Variants in LRRTM4 observed in about 807,000 individuals in gnomAD.
LRRTM4 encodes leucine rich repeat transmembrane neuronal 4.
In LRRTM4, 25 loss-of-function variants were observed where a neutral mutation model predicts 47.6. The ratio of observed to expected loss-of-function variants is 0.53; its 90% CI spans 0.38 to 0.73. LRRTM4 has a LOEUF of 0.73. LRRTM4 is among the 30% of genes least tolerant of loss of function. LRRTM4 has a pLI of 0.00. For missense variants in LRRTM4, 638 were observed against 713.4 expected (o/e 0.89, Z 1.20); for synonymous variants, 311 against 269.5 (o/e 1.15, Z -1.51).
intron 3 of LRRTM4, among the ~76,000 whole-genome samples, chr2:77,470,560 T>TAC (rs1030932904): frequency 1.3e-5 from 2 of 152,122 alleles, no homozygotes; most frequent in Non-Finnish European, 2.9e-5. Context: ...CAAGGAATGT[T>TAC]ACATCAGGTG....
intron 3 of LRRTM4, among the ~76,000 whole-genome samples, chr2:76,983,180 G>A (rs527401487): frequency 7.2e-5 from 11 of 151,950 alleles, no homozygotes; most frequent in Non-Finnish European, 1.0e-4. Flanking sequence ...GTTCAGTAAC[G>A]TTATAATAAA....
intron 3 of LRRTM4, among the ~76,000 whole-genome samples, chr2:77,261,890 A>G (rs1469019435): frequency 2.0e-5 from 3 of 152,130 alleles, no homozygotes; most frequent in Non-Finnish European, 4.4e-5. Context: ...GGACTGGTAC[A>G]TGGCCTGTAA....
chr2:77,133,897 T>C (rs1671866042), intron 3 of LRRTM4, among the ~76,000 whole-genome samples: 1 of 152,174 alleles, frequency 6.6e-6, no homozygotes. Flanking sequence ...TCCATATGCA[T>C]ACTGGAGAAA....
At chr2:77,415,817 T>C (rs908534640) in intron 3 of LRRTM4, among the ~76,000 whole-genome samples, 2 of 152,144 alleles carry the variant, frequency 1.3e-5, no homozygotes, top group Non-Finnish European at 2.9e-5. Context: ...GTAGGTTTTG[T>C]ATCATAGACC....
At chr2:77,346,836 G>A (rs941615398) in intron 3 of LRRTM4, among the ~76,000 whole-genome samples, 3 of 151,586 alleles carry the variant, frequency 2.0e-5, no homozygotes, top group Non-Finnish European at 2.9e-5. Context: ...TTAAAAAAAA[G>A]TTACAGAATA....
intron 3 of LRRTM4, among the ~76,000 whole-genome samples, chr2:77,493,538 C>T (rs10181810): frequency 0.93 from 141,469 of 152,106 alleles, 65,829 homozygotes; most frequent in African/African-American, 0.95. Context: ...TTATTTATAT[C>T]ACTCTGCAAA....
chr2:77,342,368 A>G (rs555293036), intron 3 of LRRTM4, among the ~76,000 whole-genome samples: 2 of 151,964 alleles, frequency 1.3e-5, no homozygotes, highest in South Asian at 2.1e-4. Flanking sequence ...GGCCAGGAAT[A>G]TAATTAACAT....
chr2:76,971,087 G>C (rs911391839), intron 3 of LRRTM4, among the ~76,000 whole-genome samples: 4 of 151,958 alleles, frequency 2.6e-5, no homozygotes, highest in African/African-American at 9.7e-5. Flanking sequence ...AAGAGAACTG[G>C]GCAATACTGG....
chr2:77,069,271 A>G (rs988451480), intron 3 of LRRTM4, among the ~76,000 whole-genome samples: 2 of 152,118 alleles, frequency 1.3e-5, no homozygotes, highest in African/African-American at 2.4e-5. Flanking sequence ...GCCGTTATGA[A>G]TAACATATAT....
At chr2:77,065,530 A>G (rs576018785) in intron 3 of LRRTM4, among the ~76,000 whole-genome samples, 8 of 152,284 alleles carry the variant, frequency 5.3e-5, no homozygotes, top group African/African-American at 1.9e-4. Context: ...CACTATTACT[A>G]CTATATGCTA....
intron 3 of LRRTM4, among the ~76,000 whole-genome samples, chr2:76,842,247 A>G (rs1671705280): frequency 6.6e-6 from 1 of 152,176 alleles, no homozygotes; most frequent in Admixed American, 6.6e-5. Context: ...CCTGCTTTTC[A>G]GGCTTGGATT....
chr2:77,191,032 C>T (rs927131521), intron 3 of LRRTM4, among the ~76,000 whole-genome samples: 9 of 152,066 alleles, frequency 5.9e-5, no homozygotes, highest in African/African-American at 1.2e-4. Flanking sequence ...CAATCTAATA[C>T]GTTTGACTTA....
intron 3 of LRRTM4, among the ~76,000 whole-genome samples, chr2:77,123,817 C>A (rs1374055264): frequency 1.3e-5 from 2 of 152,060 alleles, no homozygotes; most frequent in Admixed American, 6.6e-5. Context: ...ACTACACAAA[C>A]ATAAGGCTTC....
At chr2:77,371,166 T>A (rs1231140727) in intron 3 of LRRTM4, among the ~76,000 whole-genome samples, 3 of 151,796 alleles carry the variant, frequency 2.0e-5, no homozygotes, top group Non-Finnish European at 4.4e-5. Context: ...ACAGGTGACT[T>A]TCAGGTTTAT....
At chr2:76,953,876 A>C (rs763980937) in intron 3 of LRRTM4, among the ~76,000 whole-genome samples, 1 of 151,922 alleles carries the variant, frequency 6.6e-6, no homozygotes, top group Non-Finnish European at 1.5e-5. Flanking sequence ...GTTACAGAGC[A>C]CAAGAGAGGT....
chr2:76,800,616 A>C (rs1429109024), intron 3 of LRRTM4, among the ~76,000 whole-genome samples: 3 of 138,470 alleles, frequency 2.2e-5, no homozygotes, highest in Admixed American at 7.5e-5. Context: ...ATCTAATTAA[A>C]CTAAAGAGCT....
At chr2:77,127,298 G>A (rs753352390) in intron 3 of LRRTM4, among the ~76,000 whole-genome samples, 17 of 152,106 alleles carry the variant, frequency 1.1e-4, no homozygotes, top group African/African-American at 3.6e-4. Context: ...TGGCTGTCTT[G>A]TAATTTTCAT....
intron 3 of LRRTM4, among the ~76,000 whole-genome samples, chr2:77,412,169 C>T (rs1003051629): frequency 2.0e-5 from 3 of 152,000 alleles, no homozygotes; most frequent in Non-Finnish European, 4.4e-5. Flanking sequence ...CTCCTCAGTG[C>T]CAGGAATAGA....
intron 3 of LRRTM4, among the ~76,000 whole-genome samples, chr2:77,221,983 G>A (rs1674649045): frequency 6.6e-6 from 1 of 152,094 alleles, no homozygotes. Context: ...AAATGTGAAA[G>A]AACAGAAATT....
Sources: gnomAD v4.1 joint callset for allele counts (sites outside exome capture counted in the v4.1 genomes callset) on GRCh38, gnomAD v4.1.1 for gene constraint, MANE v1.5 for transcripts, NCBI Gene and HGNC (gene_info 2026-07-23, HGNC 2026-07-21) for gene names.